Variants in LYPD8 observed in about 807,000 individuals in gnomAD.
LYPD8 encodes the protein ly6/PLAUR domain-containing protein 8.
Under a neutral mutation model 1.7 loss-of-function variants are expected in LYPD8, and 8 were observed. That is an observed-to-expected ratio of 4.58 (90% CI 2.69 to 8.27). LYPD8 has a LOEUF of 8.27. Among genes scored for constraint, LYPD8 ranks in the 30% most tolerant of loss-of-function variants. LYPD8 has a pLI of 0.00. For synonymous variants in LYPD8, 50 were observed against 43.6 expected, an observed-to-expected ratio of 1.15 and a Z score of -0.58; for missense variants, 112 against 102.3, an observed-to-expected ratio of 1.09 and a Z score of -0.41.
At chr1:248,745,948 T>A (rs1245071750) in intron 5 of LYPD8, among the ~76,000 whole-genome samples, 1 of 152,342 alleles carries the variant, frequency 6.6e-6, no homozygotes, top group Admixed American at 6.5e-5. Context: ...AAGTGGAGTT[T>A]CCCAGAGGCT....
At chr1:248,753,847 T>C (rs1382958321) in intron 2 of LYPD8, among the ~76,000 whole-genome samples, 1 of 102,368 alleles carries the variant, frequency 9.8e-6, no homozygotes, top group African/African-American at 4.1e-5. Flanking sequence ...CACACACACA[T>C]CACATGACAC....
At chr1:248,743,545 C>T (rs1454533106) in intron 6 of LYPD8, among the ~76,000 whole-genome samples, 1 of 152,226 alleles carries the variant, frequency 6.6e-6, no homozygotes, top group African/African-American at 2.4e-5. Flanking sequence ...TCCATGATTA[C>T]AGTTAAACAC....
chr1:248,744,628 A>G (rs1235841187), intron 6 of LYPD8, among the ~76,000 whole-genome samples: 1 of 121,142 alleles, frequency 8.3e-6, no homozygotes, highest in African/African-American at 4.1e-5. Context: ...CACAATGGGT[A>G]GTGTCAAATG....
At chr1:248,740,503 A>G (rs1553283208) in intron 6 of LYPD8, among the ~76,000 whole-genome samples, 1 of 152,252 alleles carries the variant, frequency 6.6e-6, no homozygotes, top group African/African-American at 2.4e-5. Flanking sequence ...CCTGTTATTG[A>G]GCACTTACTG....
chr1:248,750,631 C>A lies in LYPD8; in HGVS notation c.65G>T (p.Cys22Phe). The A allele has an allele frequency of 2.5e-6, 1 of 398,580 alleles. No homozygotes were observed. The highest frequency in any genetic ancestry group is 2.1e-5 in the African/African-American group (1 of 48,730). The allele number at this position is 398,580 out of a possible 1,614,324, so 24.7% of individuals were successfully genotyped here. A position where few individuals can be genotyped will look rare whatever the true frequency, so the allele number is the denominator to read the frequency against. The change falls in exon 4 of 7, where the codon TGC becomes TTC. Residue 22 changes from cysteine to phenylalanine, a missense_variant. By Grantham distance (205) the Cys-to-Phe change is radical. Coordinates refer to ENST00000590317, the MANE Select transcript of LYPD8 (RefSeq NM_001085474.2). The stretch of plus-strand genomic sequence containing the variant: ...TTTTTCCCATGAATTACACTGCACG[C>A]AGCTCAGAGATTCTGAGGAGACAAG... ...VLVAAVESLSCVQCNSWEKSC... is the reference protein window; with the variant it reads ...VLVAAVESLSFVQCNSWEKSC...
At chr1:248,751,811 T>G (rs1662806762) in intron 2 of LYPD8, among the ~76,000 whole-genome samples, 1 of 152,118 alleles carries the variant, frequency 6.6e-6, no homozygotes. Flanking sequence ...CCCACAGTCC[T>G]CAGCCTGGAC....
intron 6 of LYPD8, among the ~76,000 whole-genome samples, chr1:248,743,562 A>T (rs1175369611): frequency 6.6e-6 from 1 of 152,218 alleles, no homozygotes; most frequent in Admixed American, 6.5e-5. Context: ...ACACTGATTC[A>T]TGATGCTATA....
In LYPD8 at chr1:248,751,372, C is replaced by T. The variant is rs1465339682; in HGVS notation, c.-49-242G>A. Among the ~76,000 whole-genome samples the T allele has an allele frequency of 1.5e-4, 23 of 152,314 alleles. No individual in the cohort carries two copies. The South Asian group carries it at 4.6e-3, about 30-fold the overall frequency. On this transcript the variant is annotated intron_variant, in intron 2 of 6. Coordinates refer to ENST00000590317, the MANE Select transcript of LYPD8 (RefSeq NM_001085474.2). ...TATGAAACACAGCCAGGGGCCATTT[C>T]CCGTGGAGCCAATTCAGTTGCAAAA...
chr1:248,751,380 G>A (rs1170068857), intron 2 of LYPD8, among the ~76,000 whole-genome samples: 8 of 152,280 alleles, frequency 5.3e-5, no homozygotes, highest in African/African-American at 1.9e-4. Flanking sequence ...TTCCCGTGGA[G>A]CCAATTCAGT....
intron 2 of LYPD8, among the ~76,000 whole-genome samples, chr1:248,753,530 CA>C (rs1662869082): frequency 1.6e-4 from 21 of 127,434 alleles, no homozygotes; most frequent in African/African-American, 6.6e-4. Context: ...ACACCCCACA[CA>C]ACACACCACA....
At chr1:248,744,891 G>T (rs954216382) in intron 6 of LYPD8, among the ~76,000 whole-genome samples, 1 of 152,204 alleles carries the variant, frequency 6.6e-6, no homozygotes, top group Non-Finnish European at 1.5e-5. Flanking sequence ...AATGTGACTG[G>T]ATTACAAGCC....
chr1:248,744,179 A>T (rs1371270771), intron 6 of LYPD8, among the ~76,000 whole-genome samples: 1 of 152,226 alleles, frequency 6.6e-6, no homozygotes, highest in African/African-American at 2.4e-5. Context: ...AATCACTAAG[A>T]AAGAGGGGAG....
intron 6 of LYPD8, among the ~76,000 whole-genome samples, chr1:248,742,601 G>C (rs1210704950): frequency 1.1e-5 from 1 of 92,644 alleles, no homozygotes; most frequent in South Asian, 4.7e-4. Context: ...GTTGGCAGTC[G>C]GGGGAGATTA....
intron 2 of LYPD8, among the ~76,000 whole-genome samples, chr1:248,754,508 C>T (rs1240594851): frequency 3.3e-5 from 5 of 151,080 alleles, no homozygotes; most frequent in African/African-American, 1.2e-4. Context: ...CACCATATGC[C>T]TCCACACACA....
At chr1:248,754,139 C>T (rs1260226187) in intron 2 of LYPD8, among the ~76,000 whole-genome samples, 7 of 148,684 alleles carry the variant, frequency 4.7e-5, no homozygotes, top group African/African-American at 1.7e-4. Flanking sequence ...ACCACACACA[C>T]TTCACACACA....
At position 248,739,682 on chromosome 1, in the gene LYPD8, T is replaced by G; in HGVS notation, c.643A>C (p.Asn215His). The change falls in exon 7 of 7, where the codon AAC becomes CAC. Residue 215 changes from asparagine to histidine, a missense_variant. Coordinates refer to ENST00000590317, the MANE Select transcript of LYPD8 (RefSeq NM_001085474.2). The surrounding 1 kb of genome is among the most constrained non-coding windows in gnomAD (Gnocchi z 4.3). ...TPTSAPTTSH[N>H]VGSKASLYLL... ...TAGAGGGAAGCTTTGGAGCCCACGT[T>G]GTGGGAAGTGGTTGGTGCAGACGTG... 1 of 1,551,678 alleles carries G rather than the reference T, an allele frequency of 6.4e-7. No homozygotes were observed. Among genetic ancestry groups the G allele is most frequent in the Non-Finnish European group, 8.7e-7 (1 of 1,146,986 alleles).
intron 6 of LYPD8, among the ~76,000 whole-genome samples, chr1:248,742,818 A>G (rs1407407291): frequency 2.0e-4 from 11 of 53,870 alleles, no homozygotes; most frequent in African/African-American, 6.0e-4. Flanking sequence ...AGCCAGGGAG[A>G]TTATGCTCTG....
At chr1:248,742,108 T>G (rs1662610796) in intron 6 of LYPD8, among the ~76,000 whole-genome samples, 2 of 152,238 alleles carry the variant, frequency 1.3e-5, no homozygotes, top group African/African-American at 4.8e-5. Flanking sequence ...CTATCAACTT[T>G]GGGTGAGGCT....
chr1:248,749,582 G>C (rs955333827), intron 4 of LYPD8, among the ~76,000 whole-genome samples: 19 of 152,178 alleles, frequency 1.2e-4, no homozygotes, highest in African/African-American at 3.6e-4. Flanking sequence ...GAGCAAGTGA[G>C]GGAAAGAGGG....
Sources: allele counts gnomAD v4.1 joint callset (sites outside exome capture counted in the v4.1 genomes callset), GRCh38; gene constraint gnomAD v4.1.1; non-coding constraint Gnocchi (gnomAD v3.1); transcripts MANE v1.5; gene names NCBI Gene and HGNC (gene_info 2026-07-23, HGNC 2026-07-21).